Variants in MYO5B observed in about 807,000 individuals in gnomAD.
MYO5B encodes unconventional myosin-Vb.
A neutral mutation model predicts 229.3 loss-of-function variants in MYO5B; 143 were observed. That is an observed-to-expected ratio of 0.62 (90% confidence interval 0.54 to 0.72). The LOEUF (loss-of-function observed/expected upper bound fraction) is 0.72. Among genes scored for constraint, MYO5B ranks in the 30% least tolerant of loss-of-function variants. The pLI is 0.00. For synonymous variants in MYO5B, 918 were observed against 885.2 expected (o/e 1.04, Z -0.66); for missense variants, 2,321 against 2,331.0 (o/e 1.00, Z 0.09).
intron 9 of MYO5B, among the ~76,000 whole-genome samples, chr18:49,978,733 ACACACACACAC>A (rs2025781588): frequency 2.0e-5 from 3 of 148,344 alleles, no homozygotes; most frequent in South Asian, 4.2e-4. Flanking sequence ...ACACACACAC[ACACACACACAC>A]AAAATGCTCA....
intron 27 of MYO5B, among the ~76,000 whole-genome samples, chr18:49,869,318 T>G (rs1348596225): frequency 6.6e-6 from 1 of 152,228 alleles, no homozygotes; most frequent in Non-Finnish European, 1.5e-5. Context: ...ATGTCTGGGC[T>G]GGGCCTGGTT....
At position 50,098,525 on chromosome 18, in the gene MYO5B, A is replaced by G. The variant is rs1429510084; in HGVS notation, c.28-43147T>C. ...ACTGCCTTAACTTCAAGTAGCTTAC[A>G]AACTACAACTTAGCTTTGAAAAGGT... On this transcript the variant is annotated intron_variant, in intron 1 of 39. Transcript: ENST00000285039. Among the ~76,000 whole-genome samples the G allele has an allele frequency of 3.9e-5, 6 of 152,236 alleles. 1 individual carries two copies. Among genetic ancestry groups the G allele is most frequent in the Admixed American group, 3.3e-4 (5 of 15,284 alleles).
At chr18:50,023,548 C>T (rs1216679710) in intron 4 of MYO5B, among the ~76,000 whole-genome samples, 1 of 152,038 alleles carries the variant, frequency 6.6e-6, no homozygotes, top group African/African-American at 2.4e-5. Flanking sequence ...AATCCTGGCT[C>T]AATTACGGAA....
intron 25 of MYO5B, 109 bp downstream of exon 25, chr18:49,877,654 C>T (rs2024541626): frequency 6.7e-7 from 1 of 1,488,454 alleles, no homozygotes; most frequent in Admixed American, 1.8e-5. Context: ...CCCCTGGGCA[C>T]TCTGGTCACC....
At chr18:50,061,584 C>A (rs1380802482) in intron 1 of MYO5B, among the ~76,000 whole-genome samples, 2 of 152,178 alleles carry the variant, frequency 1.3e-5, no homozygotes, top group African/African-American at 4.8e-5. Flanking sequence ...AGAATTGATT[C>A]TCAGTGCTGG....
chr18:49,856,321 T>C (rs1455225069), intron 30 of MYO5B, among the ~76,000 whole-genome samples: 1 of 152,096 alleles, frequency 6.6e-6, no homozygotes, highest in Non-Finnish European at 1.5e-5. Context: ...GTCCCGGAGA[T>C]CAGGACCAGC....
chr18:49,964,167 G>A (rs1368738249), intron 10 of MYO5B, among the ~76,000 whole-genome samples: 1 of 152,144 alleles, frequency 6.6e-6, no homozygotes, highest in African/African-American at 2.4e-5. Context: ...TTCTTAAAAG[G>A]TAGAAGTAAA....
intron 4 of MYO5B, among the ~76,000 whole-genome samples, chr18:50,017,206 T>C (rs4365387): frequency 0.98 from 148,943 of 152,294 alleles, 72,927 homozygotes; most frequent in East Asian, 1. Flanking sequence ...CAACCTCCAC[T>C]TCCTGGGCTC....
chr18:50,194,951 C>T lies in MYO5B; in HGVS notation c.-158G>A, dbSNP rs2033282767. The stretch of plus-strand genomic sequence containing the variant: ...CCCCGCCGGCTTCCCGCAGGCGCCG[C>T]GGCCGGCTCGCTCCCGGCGGCGCGA... On this transcript the variant is annotated 5_prime_UTR_variant, in exon 1 of 40. Coordinates refer to ENST00000285039, the MANE Select transcript of MYO5B (RefSeq NM_001080467.3). The T allele has an allele frequency of 1.1e-5, 12 of 1,085,492 alleles. No individual in the cohort carries two copies. Among genetic ancestry groups the T allele is most frequent in the Non-Finnish European group, 1.4e-5 (12 of 863,302 alleles). The allele number at this position is 1,085,492 out of a possible 1,614,324, so 67.2% of individuals were successfully genotyped here.
At chr18:50,119,730 G>A (rs753794645) in intron 1 of MYO5B, among the ~76,000 whole-genome samples, 15 of 152,112 alleles carry the variant, frequency 9.9e-5, no homozygotes, top group Non-Finnish European at 1.8e-4. Flanking sequence ...GTTGTTCATC[G>A]CGCCACTTAT....
chr18:50,088,076 T>G (rs148437577), intron 1 of MYO5B, among the ~76,000 whole-genome samples: 291 of 152,254 alleles, frequency 1.9e-3, no homozygotes, highest in Non-Finnish European at 3.0e-3. Flanking sequence ...ACAGAATTCA[T>G]AGACCAGGGA....
At chr18:49,895,221 A>T (rs376663546) in intron 21 of MYO5B, 47 bp from the exon 22 acceptor site, 4 of 1,502,038 alleles carry the variant, frequency 2.7e-6, no homozygotes, top group African/African-American at 2.7e-5. Flanking sequence ...GAAGTGGGGG[A>T]AGAAAAGGTT....
At chr18:49,933,413 A>G (rs560641145) in intron 16 of MYO5B, among the ~76,000 whole-genome samples, 1 of 152,310 alleles carries the variant, frequency 6.6e-6, no homozygotes, top group Admixed American at 6.5e-5. Context: ...GACATGTCTT[A>G]TTGTCATTCT....
chr18:49,987,337 C>T (rs1226228734), intron 7 of MYO5B, among the ~76,000 whole-genome samples: 1 of 152,170 alleles, frequency 6.6e-6, no homozygotes, highest in Non-Finnish European at 1.5e-5. Flanking sequence ...TCATATCACT[C>T]TCTGGACCCT....
chr18:50,025,776 C>T (rs189678573), intron 4 of MYO5B, among the ~76,000 whole-genome samples: 2 of 152,182 alleles, frequency 1.3e-5, no homozygotes, highest in Non-Finnish European at 2.9e-5. Context: ...AGGACCCCAG[C>T]AGGGGCCCGT....
intron 1 of MYO5B, among the ~76,000 whole-genome samples, chr18:50,140,058 C>A (rs1463593898): frequency 6.6e-6 from 1 of 152,144 alleles, no homozygotes; most frequent in Non-Finnish European, 1.5e-5. Flanking sequence ...AGCTGAAGTA[C>A]TAACAAAGTG....
chr18:50,038,681 C>T (rs117488053), intron 3 of MYO5B, among the ~76,000 whole-genome samples: 1,561 of 152,278 alleles, frequency 0.01, 11 homozygotes, highest in Non-Finnish European at 0.015. Flanking sequence ...GACTTCTGTG[C>T]CATTCAGTCA....
chr18:49,939,148 C>T (rs201744809), intron 14 of MYO5B, among the ~76,000 whole-genome samples: 31,096 of 119,226 alleles, frequency 0.26, 4,513 homozygotes, highest in Middle Eastern at 0.37. Flanking sequence ...TCTTTTTTTT[C>T]TTTTTTTTTT....
intron 38 of MYO5B, among the ~76,000 whole-genome samples, chr18:49,835,647 C>G (rs2023978805): frequency 6.6e-6 from 1 of 152,210 alleles, no homozygotes; most frequent in African/African-American, 2.4e-5. Flanking sequence ...GAACTCATGT[C>G]TCCTGTAAAC....
Sources: gnomAD v4.1 joint callset for allele counts (sites outside exome capture counted in the v4.1 genomes callset) on GRCh38, gnomAD v4.1.1 for gene constraint, MANE v1.5 for transcripts, NCBI Gene and HGNC (gene_info 2026-07-23, HGNC 2026-07-21) for gene names.